The following P2RY12 variants were observed in gnomAD, a reference collection of about 807,000 sequenced individuals.
P2RY12 encodes the protein P2Y purinoceptor 12.
A neutral mutation model predicts 4.5 loss-of-function variants in P2RY12; 3 were observed. The observed-to-expected ratio is 0.67, with a 90% CI of 0.31 to 1.74. The LOEUF (loss-of-function observed/expected upper bound fraction) is 1.74. Among genes scored for constraint, P2RY12 ranks in the 40% most tolerant of loss-of-function variants. The pLI, the probability that P2RY12 is intolerant of heterozygous loss-of-function variation, is 0.09. For missense variants in P2RY12, 356 were observed against 407.8 expected (o/e 0.87, Z 1.09); for synonymous variants, 148 against 154.1 (o/e 0.96, Z 0.29).
chr3:151,356,162 G>A (rs1019288647), intron 1 of P2RY12: 2 of 951,166 alleles, frequency 2.1e-6, no homozygotes, highest in Non-Finnish European at 3.0e-6. Context: ...CACTTTGGGA[G>A]GCCGAGGTAG....
At chr3:151,381,946 G>A (rs1712437483) in intron 1 of P2RY12, among the ~76,000 whole-genome samples, 1 of 152,282 alleles carries the variant, frequency 6.6e-6, no homozygotes, top group Middle Eastern at 3.4e-3. Context: ...CCATATTTCA[G>A]AGCATGATAG....
At chr3:151,383,598 G>A (rs2108153961) in intron 1 of P2RY12, among the ~76,000 whole-genome samples, 1 of 152,286 alleles carries the variant, frequency 6.6e-6, no homozygotes, top group African/African-American at 2.4e-5. Flanking sequence ...ACTGAACTGT[G>A]CTGAAAGAAC....
At chr3:151,347,416 G>A (rs932858102) in intron 1 of P2RY12, among the ~76,000 whole-genome samples, 2 of 152,048 alleles carry the variant, frequency 1.3e-5, no homozygotes, top group East Asian at 3.8e-4. Context: ...ACACTAATGA[G>A]GAAGACAGAC....
intron 1 of P2RY12, among the ~76,000 whole-genome samples, chr3:151,341,115 T>C (rs1269258391): frequency 6.6e-6 from 1 of 152,182 alleles, no homozygotes; most frequent in Non-Finnish European, 1.5e-5. Context: ...CTGAAATATA[T>C]TGTGTACAAC....
intron 1 of P2RY12, chr3:151,382,597 T>C (rs1206408891): frequency 1.6e-6 from 2 of 1,276,110 alleles, no homozygotes; most frequent in Non-Finnish European, 1.1e-6. Context: ...TAAAGCTCAA[T>C]TTATCTTTAA....
chr3:151,376,255 T>C, intron 1 of P2RY12: 1 of 1,335,684 alleles, frequency 7.5e-7, no homozygotes. Context: ...TTTGATAAAT[T>C]CTTCGTAATA....
At chr3:151,352,602 G>C (rs1363279771) in intron 1 of P2RY12, among the ~76,000 whole-genome samples, 1 of 150,948 alleles carries the variant, frequency 6.6e-6, no homozygotes. Flanking sequence ...GCATGTATTT[G>C]ATTTCTGGGA....
intron 1 of P2RY12, among the ~76,000 whole-genome samples, chr3:151,378,654 A>G (rs1711660712): frequency 6.6e-6 from 1 of 152,060 alleles, no homozygotes; most frequent in African/African-American, 2.4e-5. Context: ...ATGTTTTCTT[A>G]ATTTATTTTA....
intron 1 of P2RY12, chr3:151,372,561 A>C (rs367800398): frequency 6.2e-6 from 10 of 1,611,886 alleles, no homozygotes; most frequent in African/African-American, 2.7e-5. Flanking sequence ...TGATTCTATT[A>C]CTTAGGAGAT....
chr3:151,377,818 C>CCAA (rs1711518013), intron 1 of P2RY12, among the ~76,000 whole-genome samples: 1 of 152,136 alleles, frequency 6.6e-6, no homozygotes, highest in Non-Finnish European at 1.5e-5. Context: ...TTATTGCTTT[C>CCAA]TGTAGGCTTA....
chr3:151,362,695 T>C (rs1298719266), intron 1 of P2RY12, among the ~76,000 whole-genome samples: 3 of 152,132 alleles, frequency 2.0e-5, no homozygotes, highest in African/African-American at 7.2e-5. Flanking sequence ...TTGAAGAGTA[T>C]GTGGCTCTTA....
At chr3:151,384,395 CTTGA>C (rs771065243) in intron 1 of P2RY12, among the ~76,000 whole-genome samples, 1 of 152,078 alleles carries the variant, frequency 6.6e-6, no homozygotes, top group Non-Finnish European at 1.5e-5. Context: ...TGCACATAAC[CTTGA>C]TTATTTTTTA....
intron 1 of P2RY12, among the ~76,000 whole-genome samples, chr3:151,367,373 C>G (rs1755415275): frequency 6.6e-6 from 1 of 152,034 alleles, no homozygotes; most frequent in African/African-American, 2.4e-5. Flanking sequence ...TCCTGATTTT[C>G]CATTTTTGTT....
chr3:151,363,781 A>T (rs1192690466), intron 1 of P2RY12, among the ~76,000 whole-genome samples: 2 of 152,154 alleles, frequency 1.3e-5, no homozygotes, highest in Non-Finnish European at 2.9e-5. Flanking sequence ...CTATACACCC[A>T]CAGTGGAGGC....
intron 1 of P2RY12, chr3:151,355,945 C>G (rs1320248852): frequency 6.2e-7 from 1 of 1,614,032 alleles, no homozygotes; most frequent in Non-Finnish European, 8.5e-7. Flanking sequence ...TCAGGAACAT[C>G]CTATCATCTC....
chr3:151,345,919 T>A (rs1260046890), intron 1 of P2RY12, among the ~76,000 whole-genome samples: 1 of 152,178 alleles, frequency 6.6e-6, no homozygotes, highest in African/African-American at 2.4e-5. Context: ...TGAAGACTAC[T>A]GTAGTAACAC....
chr3:151,357,437 A>G, intron 1 of P2RY12: 2 of 1,427,270 alleles, frequency 1.4e-6, no homozygotes, highest in Non-Finnish European at 9.4e-7. Context: ...TAGTGATGAA[A>G]TATTATAGTG....
intron 1 of P2RY12, among the ~76,000 whole-genome samples, chr3:151,380,924 G>A (rs780519977): frequency 2.6e-5 from 4 of 152,184 alleles, no homozygotes; most frequent in Non-Finnish European, 5.9e-5. Flanking sequence ...CTTGAAATCT[G>A]TAGGTTCAGA....
At chr3:151,376,766 C>T (rs370241201) in intron 1 of P2RY12, 9 of 1,525,860 alleles carry the variant, frequency 5.9e-6, no homozygotes, top group Non-Finnish European at 8.2e-6. Flanking sequence ...ACATTTGATA[C>T]CCATAATGTT....
Sources: gnomAD v4.1 joint callset for allele counts (sites outside exome capture counted in the v4.1 genomes callset) on GRCh38, gnomAD v4.1.1 for gene constraint, MANE v1.5 for transcripts, NCBI Gene and HGNC (gene_info 2026-07-23, HGNC 2026-07-21) for gene names.